The following HCFC2 variants were observed in gnomAD, a reference collection of about 807,000 sequenced individuals.
HCFC2 encodes the protein host cell factor C2.
Under a neutral mutation model 89.2 loss-of-function variants are expected in HCFC2, and 18 were observed. The observed-to-expected ratio is 0.20, with a 90% confidence interval of 0.14 to 0.30. The LOEUF (loss-of-function observed/expected upper bound fraction) is 0.30, where lower values mean the gene tolerates loss of function less well. Among genes scored for constraint, HCFC2 ranks in the 10% least tolerant of loss-of-function variants. HCFC2 has a pLI of 1.00. For synonymous variants in HCFC2, 308 were observed against 335.7 expected (o/e 0.92, Z 0.90); for missense variants, 578 against 956.1 (o/e 0.60, Z 5.21).
Position 104,106,284 on chromosome 12 carries a change from T to TA in HCFC2, c.*3017dup, listed in dbSNP as rs1245829520. ...TCTATAGCTAAAGATATTTTTATTT[T>TA]AAAAAATTACAGCCCTTGTAACAAA... On this transcript the variant is annotated 3_prime_UTR_variant, in exon 15 of 15. Transcript: ENST00000229330. The TA allele has an allele frequency of 6.6e-6, 1 of 152,142 alleles. No homozygotes were observed. The highest frequency in any genetic ancestry group is 6.5e-5 in the Admixed American group (1 of 15,268). The allele number at this position is 152,142 out of a possible 1,614,324, so 9.4% of individuals were successfully genotyped here.
Position 104,064,616 on chromosome 12 carries a change from TC to T in HCFC2, c.61del (p.Arg21AlafsTer14). On this transcript the variant is annotated frameshift_variant, in exon 1 of 15. Transcript: ENST00000229330. LOFTEE classifies it high-confidence loss of function. This position sits in a 1 kb window ranked among gnomAD's most constrained non-coding sequence, Gnocchi z 7.3. ...WRRVSSFTGP[V>X]PRARHGHRAV... Reference sequence around the variant, plus strand: ...CGAGTTTCTTCCTTCACGGGGCCGGTCCCCCGCGCCCGGCACGGACACCGAG... The same window carrying T: ...CGAGTTTCTTCCTTCACGGGGCCGGTCCCCGCGCCCGGCACGGACACCGAG... The T allele has an allele frequency of 6.3e-7, 1 of 1,576,616 alleles. No homozygotes were observed. The highest frequency in any genetic ancestry group is 8.6e-7 in the Non-Finnish European group (1 of 1,163,820).
rs1430971615 is a variant in HCFC2, at chr12:104,067,977, C to A, written c.343C>A (p.Pro115Thr). The A allele has an allele frequency of 6.2e-7, 1 of 1,600,166 alleles. No individual in the cohort carries two copies. Among genetic ancestry groups the A allele is most frequent in the Non-Finnish European group, 8.5e-7 (1 of 1,175,468 alleles). ...TCGTTGGTTATGGAAAAAAGTGAAA[C>A]CCCATCCCCCTCCTTCTGGTTTACC... ...ASRWLWKKVK[P>T]HPPPSGLPPC... The change falls in exon 3 of 15, where the codon CCC becomes ACC. Residue 115 changes from proline (P) to threonine (T), a missense_variant. Pro to Thr is a conservative substitution (Grantham distance 38). Around this residue, in one of 4 missense-constraint regions of HCFC2, gnomAD observed 206 missense variants for 419.2 expected, o/e 0.49. Transcript: ENST00000229330.
At chr12:104,073,813 C>T (rs886197055) in intron 3 of HCFC2, among the ~76,000 whole-genome samples, 14 of 152,188 alleles carry the variant, frequency 9.2e-5, no homozygotes, top group African/African-American at 3.4e-4. Context: ...TCTAGGCTTT[C>T]TATACCAGGG....
At chr12:104,077,939 G>T (rs116298097) in intron 3 of HCFC2, among the ~76,000 whole-genome samples, 7,134 of 152,128 alleles carry the variant, frequency 0.047, 188 homozygotes, top group South Asian at 0.11. Flanking sequence ...CAGTTTAGAT[G>T]TAATCATAAA....
rs146213048 is a variant in HCFC2 at position 104,079,529 on chromosome 12, G to A, written c.558G>A (p.Val186=). 6.2e-7 allele frequency: 1 copy of A among 1,613,954 alleles called. No homozygotes were observed. The highest frequency in any genetic ancestry group is 1.3e-5 in the African/African-American group (1 of 74,896). Residue 186 remains valine (V), a synonymous_variant, in exon 4 of 15, where the codon GTG becomes GTA. Coordinates refer to ENST00000229330, the MANE Select transcript of HCFC2 (RefSeq NM_013320.3). ...GCATTCCAGTGACTAAAGGGGTTGT[G>A]CCTTCTCCAAGAGAATCCCACACAG... ...GWSIPVTKGV[V]PSPRESHTAV...
intron 14 of HCFC2, 46 bp from the exon 15 acceptor site, chr12:104,102,913 A>G: frequency 6.8e-7 from 1 of 1,472,964 alleles, no homozygotes; most frequent in Non-Finnish European, 9.3e-7. Context: ...GTGATAACAG[A>G]GGAAACTTAA....
chr12:104,081,904 C>CAA (rs761929991), intron 5 of HCFC2, among the ~76,000 whole-genome samples: 13 of 62,452 alleles, frequency 2.1e-4, no homozygotes, highest in East Asian at 4.6e-4. Flanking sequence ...GATCCTGTCT[C>CAA]AAAAAAAAAA....
intron 9 of HCFC2, among the ~76,000 whole-genome samples, chr12:104,090,659 A>T (rs1883996179): frequency 6.6e-6 from 1 of 151,770 alleles, no homozygotes; most frequent in Non-Finnish European, 1.5e-5. Flanking sequence ...TTGTTTCATA[A>T]ATATAATATC....
In HCFC2 at chr12:104,102,943, TCC is replaced by T; in HGVS notation, c.2065-8_2065-7del. On this transcript the variant is annotated splice_polypyrimidine_tract_variant and intron_variant, in intron 14 of 14. Coordinates refer to ENST00000229330, the MANE Select transcript of HCFC2 (RefSeq NM_013320.3). The stretch of plus-strand genomic sequence containing the variant: ...ACTTAAGAACCTTTAACCTGTTTTT[TCC>T]CCCCCCCTTCAAGAATGTTGAAGGT... 6.5e-7 allele frequency: 1 copy of T among 1,547,880 alleles called. No homozygotes were observed. The highest frequency in any genetic ancestry group is 8.8e-7 in the Non-Finnish European group (1 of 1,134,072).
At chr12:104,071,784 T>C (rs193113080) in intron 3 of HCFC2, among the ~76,000 whole-genome samples, 15 of 152,328 alleles carry the variant, frequency 9.8e-5, no homozygotes, top group African/African-American at 3.4e-4. Context: ...ACCAGCAATA[T>C]ATAAGGGTTT....
intron 5 of HCFC2, among the ~76,000 whole-genome samples, chr12:104,081,797 T>G (rs1883693224): frequency 1.3e-5 from 2 of 151,594 alleles, no homozygotes; most frequent in Admixed American, 1.3e-4. Context: ...CCCAGCACTT[T>G]GGGAGGCCAA....
intron 3 of HCFC2, among the ~76,000 whole-genome samples, chr12:104,070,613 A>G (rs1401012806): frequency 6.6e-6 from 1 of 152,226 alleles, no homozygotes; most frequent in Non-Finnish European, 1.5e-5. Flanking sequence ...TCAGGTTGCC[A>G]TAGCATATAA....
chr12:104,081,102 T>G (rs539834773), intron 5 of HCFC2, among the ~76,000 whole-genome samples: 15 of 152,370 alleles, frequency 9.8e-5, no homozygotes, highest in African/African-American at 3.6e-4. Context: ...GTTGCCAAAC[T>G]AATCACCTAA....
At chr12:104,084,069 A>G (rs984188744) in intron 7 of HCFC2, among the ~76,000 whole-genome samples, 2 of 152,170 alleles carry the variant, frequency 1.3e-5, no homozygotes, top group East Asian at 3.8e-4. Flanking sequence ...AATTTTTAAA[A>G]ATGTGTACCT....
Position 104,103,167 on chromosome 12 carries a change from G to A in HCFC2, c.2273G>A (p.Arg758Lys). ...AATGCACATATTGATTATACATCCA[G>A]GCCTGCCATTGTGTTCAGGATATCA... The part of the protein sequence containing the change: ...LANAHIDYTS[R>K]PAIVFRISAK... The change falls in exon 15 of 15, where the codon AGG (arginine) becomes AAG (lysine). Residue 758 changes from arginine to lysine, a missense_variant. Arg to Lys is a conservative substitution (Grantham distance 26). This residue lies in a region of HCFC2 where 140 missense variants were observed against 266.4 expected (regional missense o/e 0.53). Transcript: ENST00000229330. 6.2e-7 allele frequency: 1 copy of A among 1,614,070 alleles called. No individual in the cohort carries two copies. The highest frequency in any genetic ancestry group is 2.2e-5 in the East Asian group (1 of 44,880).
rs200215993 is a variant in HCFC2, at chr12:104,102,943, TC to T, written c.2065-7del. 500 of 1,542,616 alleles carry T rather than the reference TC, an allele frequency of 3.2e-4. No individual in the cohort carries two copies. Among genetic ancestry groups the T allele is most frequent in the South Asian group, 7.3e-4 (62 of 84,660 alleles). On this transcript the variant is annotated splice_polypyrimidine_tract_variant and intron_variant, in intron 14 of 14. Transcript: ENST00000229330. Reference sequence around the variant, plus strand: ...ACTTAAGAACCTTTAACCTGTTTTTTCCCCCCCCCTTCAAGAATGTTGAAGG... The same window carrying T: ...ACTTAAGAACCTTTAACCTGTTTTTTCCCCCCCCTTCAAGAATGTTGAAGG...
rs768309136 is a variant in HCFC2 at position 104,093,577 on chromosome 12, A to T, written c.1462+14A>T. On this transcript the variant is annotated intron_variant, in intron 10 of 14. Coordinates refer to ENST00000229330, the MANE Select transcript of HCFC2 (RefSeq NM_013320.3). ...GGAAAAATGAAGGTATATGGATGAC[A>T]TTTTAAACTAAAGCTTTTTATAAAA... 9 of 1,574,422 alleles carry T rather than the reference A, an allele frequency of 5.7e-6. No individual in the cohort carries two copies. The highest frequency in any genetic ancestry group is 7.8e-6 in the Non-Finnish European group (9 of 1,158,626).
In HCFC2 at chr12:104,070,230, G is replaced by C. The variant is rs531611662; in HGVS notation, c.473+2123G>C. On this transcript the variant is annotated intron_variant, in intron 3 of 14. Transcript: ENST00000229330. ...ATAGAGACTAACATGGGGTTTCACCGCGTTAGCCAGGATGGTCTCGATCTC... is the reference window on the plus strand; with the variant it reads ...ATAGAGACTAACATGGGGTTTCACCCCGTTAGCCAGGATGGTCTCGATCTC... Among the ~76,000 whole-genome samples, 28 of 152,042 alleles carry C rather than the reference G, an allele frequency of 1.8e-4. No homozygotes were observed. In the South Asian group the frequency reaches 5.6e-3, roughly 31 times the overall value.
intron 7 of HCFC2, 101 bp from the exon 8 acceptor site, chr12:104,086,746 T>C (rs1883862594): frequency 2.0e-6 from 2 of 978,724 alleles, no homozygotes; most frequent in Admixed American, 4.4e-5. Context: ...AGATGAAATG[T>C]TCATTGCTGA....
Sources: allele counts gnomAD v4.1 joint callset (sites outside exome capture counted in the v4.1 genomes callset), GRCh38; gene constraint gnomAD v4.1.1; regional missense constraint gnomAD v4.1.1; non-coding constraint Gnocchi (gnomAD v3.1); transcripts MANE v1.5; gene names NCBI Gene and HGNC (gene_info 2026-07-23, HGNC 2026-07-21).